The following CDK15 variants were observed in gnomAD, a reference collection of about 807,000 sequenced individuals.
CDK15 encodes the protein cyclin dependent kinase 15, also known as cyclin-dependent kinase 15.
CDK15 carries 62 observed loss-of-function variants against 60.3 expected under a neutral mutation model. The ratio of observed to expected loss-of-function variants is 1.03; its 90% CI spans 0.84 to 1.27. CDK15 has a LOEUF of 1.27. Among genes scored for constraint, CDK15 ranks in the 50% most tolerant of loss-of-function variants. The pLI, the probability that CDK15 is intolerant of heterozygous loss-of-function variation, is 0.00. For missense variants in CDK15, 541 were observed against 527.8 expected, an observed-to-expected ratio of 1.03 and a Z score of -0.25; for synonymous variants, 194 against 195.7, an observed-to-expected ratio of 0.99 and a Z score of 0.07.
At chr2:201,860,944 T>C in intron 10 of CDK15, 1 of 1,275,136 alleles carries the variant, frequency 7.8e-7, no homozygotes, top group Non-Finnish European at 1.0e-6. Context: ...TGCTTTGGGC[T>C]CAATGAGTTC....
At position 201,807,926 on chromosome 2, in the gene CDK15, T is replaced by TGCGA. The variant is rs1559110963; in HGVS notation, c.343_346dup (p.Thr116SerfsTer8). 9 of 1,614,142 alleles carry TGCGA rather than the reference T, an allele frequency of 5.6e-6. No individual in the cohort carries two copies. Among genetic ancestry groups the TGCGA allele is most frequent in the Non-Finnish European group, 7.6e-6 (9 of 1,180,024 alleles). The stretch of plus-strand genomic sequence containing the variant: ...TGGAGAAGCTGGGTGAAGGCTCTTA[T>TGCGA]GCGACAGTTTACAAGGGGATTAGCA... On this transcript the variant is annotated frameshift_variant, in exon 3 of 14. Transcript: ENST00000652192. LOFTEE classifies it high-confidence loss of function.
At chr2:201,850,092 G>A (rs1697844339) in intron 9 of CDK15, among the ~76,000 whole-genome samples, 1 of 152,128 alleles carries the variant, frequency 6.6e-6, no homozygotes, top group Admixed American at 6.5e-5. Context: ...CAAAGTGGTG[G>A]GATTACAGGC....
intron 3 of CDK15, 108 bp downstream of exon 3, chr2:201,808,060 C>A: frequency 1.2e-6 from 1 of 846,994 alleles, no homozygotes; most frequent in Non-Finnish European, 1.8e-6. Flanking sequence ...CACTCAGGAC[C>A]TGTGCAAGAC....
chr2:201,866,074 G>A (rs1174675543), intron 10 of CDK15, among the ~76,000 whole-genome samples: 1 of 151,296 alleles, frequency 6.6e-6, no homozygotes, highest in Non-Finnish European at 1.5e-5. Context: ...GGGCACGTAG[G>A]AGAAAAAGAG....
In CDK15 at chr2:201,875,985, T is replaced by G. The variant is rs114260928; in HGVS notation, c.1058+3659T>G. Among the ~76,000 whole-genome samples, 862 of 152,328 alleles carry G rather than the reference T, an allele frequency of 5.7e-3. 6 individuals carry two copies. The highest frequency in any genetic ancestry group is 0.019 in the African/African-American group (802 of 41,588). On this transcript the variant is annotated intron_variant, in intron 11 of 13. Coordinates refer to ENST00000652192, the MANE Select transcript of CDK15 (RefSeq NM_001366386.2). ...ATTCTTTACCTTTAATAGCAGATTC[T>G]CATTAATTGGGCGGGGGGTTTTCCT...
chr2:201,858,940 C>T (rs760175969), intron 10 of CDK15, among the ~76,000 whole-genome samples: 5 of 152,178 alleles, frequency 3.3e-5, no homozygotes, highest in Non-Finnish European at 5.9e-5. Context: ...CACTCACCCT[C>T]CTCCGGCAGC....
intron 4 of CDK15, among the ~76,000 whole-genome samples, chr2:201,819,388 G>A (rs938938804): frequency 1.3e-5 from 2 of 152,224 alleles, no homozygotes; most frequent in Non-Finnish European, 2.9e-5. Context: ...CTAAAGCCAA[G>A]TGAGCAAAGA....
intron 4 of CDK15, among the ~76,000 whole-genome samples, chr2:201,820,124 T>C (rs1696157715): frequency 6.6e-6 from 1 of 152,188 alleles, no homozygotes; most frequent in Non-Finnish European, 1.5e-5. Context: ...ATCTTAACAA[T>C]ATTCTTAGCA....
intron 13 of CDK15, 25 bp from the exon 14 acceptor site, chr2:201,893,276 G>A (rs1699692861): frequency 1.3e-5 from 2 of 152,028 alleles, no homozygotes; most frequent in Non-Finnish European, 2.9e-5. Flanking sequence ...TATTTTGATT[G>A]TGTTTATTTT....
intron 12 of CDK15, chr2:201,888,805 A>G (rs557314946): frequency 3.9e-5 from 45 of 1,143,560 alleles, no homozygotes; most frequent in Non-Finnish European, 4.5e-5. Context: ...TTTTCATGCC[A>G]CTGTCCCCAA....
intron 11 of CDK15, among the ~76,000 whole-genome samples, chr2:201,875,932 G>A (rs1316564172): frequency 6.6e-6 from 1 of 152,158 alleles, no homozygotes; most frequent in African/African-American, 2.4e-5. Context: ...CTCTTGAAAT[G>A]TTACTAGAAG....
At chr2:201,890,018 C>T (rs1699588486) in intron 12 of CDK15, among the ~76,000 whole-genome samples, 1 of 149,548 alleles carries the variant, frequency 6.7e-6, no homozygotes, top group Admixed American at 6.7e-5. Context: ...CACTGCACTC[C>T]AGCCTGGGCC....
chr2:201,840,955 ACT>A (rs1438975839), intron 8 of CDK15, among the ~76,000 whole-genome samples: 1 of 151,992 alleles, frequency 6.6e-6, no homozygotes, highest in Non-Finnish European at 1.5e-5. Flanking sequence ...TTGAATATTG[ACT>A]CTATTCTATT....
intron 5 of CDK15, among the ~76,000 whole-genome samples, chr2:201,823,350 T>C (rs1696315520): frequency 6.6e-6 from 1 of 152,222 alleles, no homozygotes; most frequent in South Asian, 2.1e-4. Flanking sequence ...ATAAGGTATG[T>C]GTACTTGACT....
chr2:201,836,002 T>TTTA (rs1697013322), intron 8 of CDK15, among the ~76,000 whole-genome samples: 2 of 119,960 alleles, frequency 1.7e-5, no homozygotes, highest in South Asian at 2.3e-4. Flanking sequence ...TTATATATAT[T>TTTA]TATATTTTTA....
At chr2:201,884,772 G>C (rs992746954) in intron 12 of CDK15, among the ~76,000 whole-genome samples, 1 of 152,178 alleles carries the variant, frequency 6.6e-6, no homozygotes, top group South Asian at 2.1e-4. Context: ...TTCTTGCATG[G>C]TGGGAGAATC....
chr2:201,879,468 C>T (rs543890187), intron 11 of CDK15, among the ~76,000 whole-genome samples: 2 of 152,330 alleles, frequency 1.3e-5, no homozygotes, highest in African/African-American at 4.8e-5. Context: ...CAGCCTCTAC[C>T]TCCCAGGTGC....
chr2:201,827,137 C>A (rs1489542965), intron 6 of CDK15, among the ~76,000 whole-genome samples: 2 of 152,164 alleles, frequency 1.3e-5, no homozygotes, highest in African/African-American at 4.8e-5. Flanking sequence ...GGCTGAGAGC[C>A]TCATTTTCTA....
chr2:201,819,333 T>C (rs942114904), intron 4 of CDK15, among the ~76,000 whole-genome samples: 2 of 151,968 alleles, frequency 1.3e-5, no homozygotes, highest in Non-Finnish European at 2.9e-5. Flanking sequence ...GGGGTGGAAA[T>C]GTGTTTGCAA....
Sources: allele counts gnomAD v4.1 joint callset (sites outside exome capture counted in the v4.1 genomes callset), GRCh38; gene constraint gnomAD v4.1.1; transcripts MANE v1.5; gene names NCBI Gene and HGNC (gene_info 2026-07-23, HGNC 2026-07-21).